The following PLCE1 variants were observed in gnomAD, a reference collection of about 807,000 sequenced individuals.
PLCE1 encodes 1-phosphatidylinositol 4,5-bisphosphate phosphodiesterase epsilon-1.
In PLCE1, 119 loss-of-function variants were observed where a neutral mutation model predicts 242.8. The observed-to-expected ratio is 0.49, with a 90% CI of 0.42 to 0.57. The LOEUF (loss-of-function observed/expected upper bound fraction) is 0.57. Among genes scored for constraint, PLCE1 ranks in the 20% least tolerant of loss-of-function variants. PLCE1 has a pLI of 0.00. For missense variants in PLCE1, 2,441 were observed against 2,788.8 expected, an observed-to-expected ratio of 0.88 and a Z score of 2.81; for synonymous variants, 945 against 1,017.4, an observed-to-expected ratio of 0.93 and a Z score of 1.35.
chr10:94,038,063 G>A (rs888339057), intron 2 of PLCE1, among the ~76,000 whole-genome samples: 1 of 152,142 alleles, frequency 6.6e-6, no homozygotes, highest in Admixed American at 6.5e-5. Flanking sequence ...AAACCATCTG[G>A]TGAAACCCTG....
chr10:94,086,974 G>C (rs1168765055), intron 2 of PLCE1, among the ~76,000 whole-genome samples: 2 of 152,088 alleles, frequency 1.3e-5, no homozygotes, highest in Non-Finnish European at 2.9e-5. Flanking sequence ...TAGTATTCTT[G>C]TAATATTGGA....
At chr10:94,159,462 C>G (rs1181143154) in intron 3 of PLCE1, among the ~76,000 whole-genome samples, 1 of 152,176 alleles carries the variant, frequency 6.6e-6, no homozygotes, top group Non-Finnish European at 1.5e-5. Flanking sequence ...TTCTCTCTCT[C>G]TCTCTTATTT....
chr10:94,279,563 T>C (rs1379295626), intron 19 of PLCE1: 2 of 582,474 alleles, frequency 3.4e-6, no homozygotes, highest in Non-Finnish European at 6.1e-6. Flanking sequence ...GGAGATTGTT[T>C]ATAAAAGCTC....
At chr10:94,025,734 TGATCCTCCCTTTTGAAA>T (rs2134425829) in intron 1 of PLCE1, among the ~76,000 whole-genome samples, 1 of 152,294 alleles carries the variant, frequency 6.6e-6, no homozygotes, top group African/African-American at 2.4e-5. Flanking sequence ...GTCTTAGTCC[TGATCCTCCCTTTTGAAA>T]GAATATGAGA....
intron 3 of PLCE1, among the ~76,000 whole-genome samples, chr10:94,134,955 G>T (rs1286347366): frequency 6.6e-6 from 1 of 152,186 alleles, no homozygotes; most frequent in Non-Finnish European, 1.5e-5. Flanking sequence ...AATACAATTA[G>T]CTGGTTGCCT....
At chr10:94,163,917 G>A (rs1434563014) in intron 3 of PLCE1, among the ~76,000 whole-genome samples, 1 of 152,104 alleles carries the variant, frequency 6.6e-6, no homozygotes, top group Non-Finnish European at 1.5e-5. Context: ...ATGAAGCTTA[G>A]TTTGGCTGGA....
chr10:94,284,811 C>T, intron 21 of PLCE1, 37 bp from the exon 22 acceptor site: 1 of 1,094,744 alleles, frequency 9.1e-7, no homozygotes, highest in South Asian at 1.2e-5. Context: ...GTAGCATATA[C>T]CTTCCATGTA....
chr10:94,196,090 C>G (rs1349697269), intron 4 of PLCE1, among the ~76,000 whole-genome samples: 1 of 152,116 alleles, frequency 6.6e-6, no homozygotes, highest in African/African-American at 2.4e-5. Flanking sequence ...ATAATTCCTT[C>G]TAGTTAGGGT....
rs368240926 is a variant in PLCE1 at position 94,226,988 on chromosome 10, T to C, written c.1810-318T>C. ...TGAGGCAGGGTTCAAGCGATTCTCC[T>C]GCCTCAGCTTCCCAAGTAGTTGGAA... On this transcript the variant is annotated intron_variant, in intron 4 of 32. Coordinates refer to ENST00000371380, the MANE Select transcript of PLCE1 (RefSeq NM_016341.4). 65 of 349,730 alleles carry C rather than the reference T, an allele frequency of 1.9e-4. 1 individual carries two copies. The highest frequency in any genetic ancestry group is 1.3e-3 in the African/African-American group (63 of 46,810). 21.7% of individuals were successfully genotyped at this position (349,730 alleles called of 1,614,324 possible). A position where few individuals can be genotyped will look rare whatever the true frequency, so the allele number is the denominator to read the frequency against.
intron 2 of PLCE1, among the ~76,000 whole-genome samples, chr10:94,048,694 A>ATT (rs1464321071): frequency 1.2e-4 from 18 of 146,000 alleles, no homozygotes; most frequent in Admixed American, 3.5e-4. Context: ...TTTATAAATA[A>ATT]TATAAATATA....
At chr10:93,998,661 A>G (rs966930324) in intron 1 of PLCE1, among the ~76,000 whole-genome samples, 1 of 152,150 alleles carries the variant, frequency 6.6e-6, no homozygotes, top group African/African-American at 2.4e-5. Context: ...AAAGTTAACT[A>G]CTAATATTAC....
At chr10:94,310,497 G>A (rs953768802) in intron 27 of PLCE1, among the ~76,000 whole-genome samples, 3 of 152,086 alleles carry the variant, frequency 2.0e-5, no homozygotes, top group Non-Finnish European at 4.4e-5. Flanking sequence ...ATCATCAGGC[G>A]ATTGCACCAT....
intron 3 of PLCE1, among the ~76,000 whole-genome samples, chr10:94,157,119 T>C (rs532819247): frequency 3.5e-4 from 54 of 152,154 alleles, no homozygotes; most frequent in South Asian, 8.3e-4. Flanking sequence ...TCTTAAAAAA[T>C]ATTTTCTTTT....
chr10:94,047,189 T>C (rs1372860874), intron 2 of PLCE1, among the ~76,000 whole-genome samples: 1 of 152,148 alleles, frequency 6.6e-6, no homozygotes, highest in Non-Finnish European at 1.5e-5. Context: ...AATAAAGATT[T>C]TTCTCTAGGG....
Position 94,322,024 on chromosome 10 carries a change from C to T in PLCE1, c.6466C>T (p.Pro2156Ser). The T allele has an allele frequency of 6.2e-7, 1 of 1,614,148 alleles. No individual in the cohort carries two copies. Among genetic ancestry groups the T allele is most frequent in the Admixed American group, 1.7e-5 (1 of 60,030 alleles). The change falls in exon 30 of 33, where the codon CCC becomes TCC. Residue 2156 changes from proline (P) to serine (S), a missense_variant. By Grantham distance (74) the Pro-to-Ser change is moderately conservative. This residue lies in a region of PLCE1 where 310 missense variants were observed against 317.2 expected (regional missense o/e 0.98). Coordinates refer to ENST00000371380, the MANE Select transcript of PLCE1 (RefSeq NM_016341.4). ...PEQPRTVIKAPRVSTAQDVIQ... is the reference protein window; with the variant it reads ...PEQPRTVIKASRVSTAQDVIQ... ...GCAACCTCGAACAGTCATCAAAGCA[C>T]CCCGCGTCAGCACTGCACAGGATGT...
intron 2 of PLCE1, among the ~76,000 whole-genome samples, chr10:94,099,164 A>G (rs1426811901): frequency 6.6e-6 from 1 of 152,252 alleles, no homozygotes; most frequent in Non-Finnish European, 1.5e-5. Flanking sequence ...GTGTTGGTGA[A>G]CAAGTCACTT....
intron 27 of PLCE1, 135 bp from the exon 28 acceptor site, chr10:94,313,118 AG>A (rs2053441691): frequency 2.5e-6 from 2 of 798,350 alleles, no homozygotes; most frequent in East Asian, 3.9e-5. Flanking sequence ...TTGTAGCACT[AG>A]GCTACAAATG....
chr10:94,253,585 C>T (rs2050958812), intron 9 of PLCE1, among the ~76,000 whole-genome samples: 1 of 152,058 alleles, frequency 6.6e-6, no homozygotes, highest in Non-Finnish European at 1.5e-5. Flanking sequence ...GAACTCCAGG[C>T]CTTAAGTAAT....
In PLCE1 at chr10:94,329,806, A is replaced by C. The variant is rs1311814276; in HGVS notation, c.*1863A>C. ...AAAAAAAAAAAAAAAAAAAAAAAAAAAAAAACACCATACAGCTTTCATGTC... is the reference window on the plus strand; with the variant it reads ...AAAAAAAAAAAAAAAAAAAAAAAAACAAAAACACCATACAGCTTTCATGTC... On this transcript the variant is annotated 3_prime_UTR_variant, in exon 33 of 33. Coordinates refer to ENST00000371380, the MANE Select transcript of PLCE1 (RefSeq NM_016341.4). 3 of 149,284 alleles carry C rather than the reference A, an allele frequency of 2.0e-5. No homozygotes were observed. Among genetic ancestry groups the C allele is most frequent in the Non-Finnish European group, 4.4e-5 (3 of 67,582 alleles). The allele number at this position is 149,284 out of a possible 1,614,324, so 9.2% of individuals were successfully genotyped here.
Sources: allele counts gnomAD v4.1 joint callset (sites outside exome capture counted in the v4.1 genomes callset), GRCh38; gene constraint gnomAD v4.1.1; regional missense constraint gnomAD v4.1.1; transcripts MANE v1.5; gene names NCBI Gene and HGNC (gene_info 2026-07-23, HGNC 2026-07-21).